UNC13C: variants seen among roughly 807,000 people sequenced by gnomAD.
UNC13C encodes unc-13 homolog C.
UNC13C carries 174 observed loss-of-function variants against 245.4 expected under a neutral mutation model. The observed-to-expected ratio is 0.71, with a 90% CI of 0.63 to 0.80. UNC13C has a LOEUF of 0.80. Ranked by LOEUF, UNC13C falls within the 30% of genes least tolerant of loss-of-function variation. The pLI, the probability that UNC13C is intolerant of heterozygous loss-of-function variation, is 0.00. For missense variants in UNC13C, 2,829 were observed against 2,602.9 expected, an observed-to-expected ratio of 1.09 and a Z score of -1.89; for synonymous variants, 992 against 895.1, an observed-to-expected ratio of 1.11 and a Z score of -1.93.
At chr15:54,582,352 A>G (rs1002538773) in intron 30 of UNC13C, among the ~76,000 whole-genome samples, 2 of 152,136 alleles carry the variant, frequency 1.3e-5, no homozygotes, top group Non-Finnish European at 2.9e-5. Flanking sequence ...ATTCAGTTTT[A>G]TTTATTTGTG....
the UNC13C span, among the ~76,000 whole-genome samples, chr15:53,957,623 A>G: frequency 2.0e-5 from 3 of 152,210 alleles, no homozygotes; most frequent in African/African-American, 7.2e-5. Context: ...ATCTACCCTA[A>G]GCAAATCATT....
intron 30 of UNC13C, among the ~76,000 whole-genome samples, chr15:54,598,026 C>A (rs1400246798): frequency 6.6e-6 from 1 of 152,160 alleles, no homozygotes; most frequent in Non-Finnish European, 1.5e-5. Context: ...AGCAGTCAAG[C>A]TTTAAGACTG....
intron 1 of UNC13C, among the ~76,000 whole-genome samples, chr15:53,993,672 T>G (rs1463122627): frequency 6.6e-6 from 1 of 152,070 alleles, no homozygotes; most frequent in Admixed American, 6.6e-5. Context: ...ACACAAAAGT[T>G]TACTCAGAGG....
intron 28 of UNC13C, among the ~76,000 whole-genome samples, chr15:54,550,528 T>C (rs1411705195): frequency 3.3e-5 from 5 of 152,146 alleles, no homozygotes; most frequent in Non-Finnish European, 5.9e-5. Flanking sequence ...TTGTTTCATA[T>C]GTACAGCACA....
chr15:54,038,124 A>AAAAATTTTTTTTTTTTT (rs1555406259), intron 2 of UNC13C, among the ~76,000 whole-genome samples: 4 of 45,032 alleles, frequency 8.9e-5, no homozygotes, highest in African/African-American at 4.2e-4. Flanking sequence ...ATATATATAT[A>AAAAATTTTTTTTTTTTT]TTTTTTTTTT....
At chr15:54,402,201 G>A (rs574138) in intron 18 of UNC13C, among the ~76,000 whole-genome samples, 92,812 of 151,776 alleles carry the variant, frequency 0.61, 29,173 homozygotes, top group African/African-American at 0.74. Context: ...CAGATCTGTT[G>A]TAAAAATCTA....
At chr15:54,633,082 T>G (rs919856174), downstream of UNC13C, 2 of 152,164 alleles carry the variant, frequency 1.3e-5, no homozygotes, top group Non-Finnish European at 2.9e-5. Flanking sequence ...GGGGAATCAC[T>G]TGAACCCAGG....
At chr15:53,841,382 T>TA in the UNC13C span, among the ~76,000 whole-genome samples, 1 of 152,198 alleles carries the variant, frequency 6.6e-6, no homozygotes, top group African/African-American at 2.4e-5. Context: ...AAAGCAAGGC[T>TA]AAAAAAATAC....
chr15:53,989,353 A>G (rs893960803), intron 1 of UNC13C, among the ~76,000 whole-genome samples: 5 of 151,848 alleles, frequency 3.3e-5, no homozygotes, highest in Admixed American at 6.6e-5. Context: ...AATGTAGGCA[A>G]TGTTTCTTGG....
rs544713239 is a variant in UNC13C, at chr15:54,434,311, G to T, written c.4933+19244G>T. Among the ~76,000 whole-genome samples, 18 of 152,072 alleles carry T rather than the reference G, an allele frequency of 1.2e-4. No homozygotes were observed. The East Asian group carries it at 3.5e-3, about 29-fold the overall frequency. ...CCTAAGCAAAAAAACAAAGCTAGAG[G>T]CATCACACTACCTGACATCAAACTA... On this transcript the variant is annotated intron_variant, in intron 19 of 32. Transcript: ENST00000260323.
At chr15:54,190,833 A>G (rs546591874) in intron 4 of UNC13C, among the ~76,000 whole-genome samples, 4 of 152,102 alleles carry the variant, frequency 2.6e-5, no homozygotes, top group East Asian at 1.9e-4. Context: ...GCCTAGTTCT[A>G]TCATTTTTGT....
the UNC13C span, among the ~76,000 whole-genome samples, chr15:53,933,254 A>G: frequency 2.6e-5 from 4 of 152,146 alleles, no homozygotes; most frequent in Non-Finnish European, 2.9e-5. Context: ...CAAAAATCTT[A>G]TTACTTTGTG....
At position 54,190,004 on chromosome 15, in the gene UNC13C, G is replaced by A. The variant is rs555231417; in HGVS notation, c.3072-45026G>A. ...AGCTTAATGTTTTGCATTTATAAAA[G>A]GTTTTAGAGACTAAACTGATTCTAC... On this transcript the variant is annotated intron_variant, in intron 4 of 32. Coordinates refer to ENST00000260323, the MANE Select transcript of UNC13C (RefSeq NM_001080534.3). Among the ~76,000 whole-genome samples the A allele has an allele frequency of 1.3e-3, 201 of 152,280 alleles. 2 individuals are homozygous for A. Among genetic ancestry groups the A allele is most frequent in the Admixed American group, 9.4e-3 (143 of 15,278 alleles).
intron 30 of UNC13C, among the ~76,000 whole-genome samples, chr15:54,590,958 G>A (rs1256609405): frequency 6.6e-6 from 1 of 152,056 alleles, no homozygotes; most frequent in African/African-American, 2.4e-5. Context: ...TTACATTAAG[G>A]TATTTCCCTT....
At chr15:54,298,863 A>G (rs1011741800) in intron 12 of UNC13C, among the ~76,000 whole-genome samples, 1 of 152,182 alleles carries the variant, frequency 6.6e-6, no homozygotes, top group African/African-American at 2.4e-5. Flanking sequence ...AGACAACTGA[A>G]AGATAGTTCT....
intron 4 of UNC13C, among the ~76,000 whole-genome samples, chr15:54,231,287 C>A (rs148534185): frequency 7.9e-5 from 12 of 152,094 alleles, no homozygotes; most frequent in African/African-American, 2.9e-4. Flanking sequence ...GTAAAATGAT[C>A]CTGCAGTGGA....
At chr15:54,512,387 A>T (rs746294877) in intron 24 of UNC13C, 1 of 455,818 alleles carries the variant, frequency 2.2e-6, no homozygotes, top group African/African-American at 2.0e-5. Flanking sequence ...GGTTTGTGAT[A>T]GTAAGCATCT....
chr15:53,848,172 G>A, the UNC13C span, among the ~76,000 whole-genome samples: 5 of 151,624 alleles, frequency 3.3e-5, no homozygotes, highest in African/African-American at 9.7e-5. Context: ...GTTTTTTATT[G>A]ATTTTATCTA....
chr15:54,125,975 G>T lies in UNC13C; in HGVS notation c.2984-17043G>T, dbSNP rs568231053. On this transcript the variant is annotated intron_variant, in intron 2 of 32. Transcript: ENST00000260323. ...AGAAAACTTATACACAATACAATAC[G>T]TACAGTAACCTCTAGAAAAACAATA... Among the ~76,000 whole-genome samples the T allele has an allele frequency of 4.6e-5, 7 of 152,028 alleles. No individual in the cohort carries two copies. The South Asian group carries it at 1.5e-3, about 32-fold the overall frequency.
Sources: gnomAD v4.1 joint callset for allele counts (sites outside exome capture counted in the v4.1 genomes callset) on GRCh38, gnomAD v4.1.1 for gene constraint, MANE v1.5 for transcripts, NCBI Gene and HGNC (gene_info 2026-07-23, HGNC 2026-07-21) for gene names.